Variants in UTRN observed in about 807,000 individuals in gnomAD.
UTRN encodes the protein utrophin, also known as dystrophin-related protein 1.
Under a neutral mutation model 463.9 loss-of-function variants are expected in UTRN, and 283 were observed. The observed-to-expected ratio is 0.61, with a 90% CI of 0.55 to 0.67. The LOEUF is 0.67. Ranked by LOEUF, UTRN falls within the 30% of genes least tolerant of loss-of-function variation. UTRN has a pLI of 0.00. For synonymous variants in UTRN, 1,442 were observed against 1,431.5 expected, an observed-to-expected ratio of 1.01 and a Z score of -0.17; for missense variants, 3,922 against 4,084.3, an observed-to-expected ratio of 0.96 and a Z score of 1.08.
chr6:144,626,010 T>G (rs1562668742), intron 51 of UTRN, among the ~76,000 whole-genome samples: 1 of 152,224 alleles, frequency 6.6e-6, no homozygotes, highest in Non-Finnish European at 1.5e-5. Context: ...CAGACAATAT[T>G]TCTATAGCTG....
At chr6:144,703,363 C>T (rs538791599) in intron 53 of UTRN, among the ~76,000 whole-genome samples, 17 of 152,160 alleles carry the variant, frequency 1.1e-4, no homozygotes, top group African/African-American at 3.1e-4. Context: ...GAAGAAAGAT[C>T]AGGATTAGAG....
intron 61 of UTRN, among the ~76,000 whole-genome samples, chr6:144,785,275 T>TA (rs1776204518): frequency 6.6e-6 from 1 of 152,194 alleles, no homozygotes; most frequent in South Asian, 2.1e-4. Flanking sequence ...TGGCATGTGA[T>TA]ACAGCCAGAA....
chr6:144,457,282 A>C (rs904801592), intron 19 of UTRN, among the ~76,000 whole-genome samples: 9 of 152,202 alleles, frequency 5.9e-5, no homozygotes, highest in African/African-American at 2.2e-4. Flanking sequence ...TTGTCAGTGA[A>C]AAAATAACTG....
intron 51 of UTRN, among the ~76,000 whole-genome samples, chr6:144,629,783 C>T (rs1776321308): frequency 6.6e-6 from 1 of 152,188 alleles, no homozygotes; most frequent in Non-Finnish European, 1.5e-5. Context: ...AATTCCATCT[C>T]CTTTGTAATT....
At chr6:144,796,094 G>T (rs1777188490) in intron 63 of UTRN, among the ~76,000 whole-genome samples, 1 of 152,112 alleles carries the variant, frequency 6.6e-6, no homozygotes, top group African/African-American at 2.4e-5. Context: ...TTTGTGTGAG[G>T]TGTAAGGAAG....
chr6:144,774,890 G>A (rs1291961443), intron 60 of UTRN, among the ~76,000 whole-genome samples: 1 of 152,166 alleles, frequency 6.6e-6, no homozygotes, highest in Admixed American at 6.5e-5. Context: ...GTTCAGAGTG[G>A]AATTCTGTGG....
chr6:144,616,876 G>T (rs1043525726), intron 51 of UTRN, among the ~76,000 whole-genome samples: 6 of 152,110 alleles, frequency 3.9e-5, no homozygotes, highest in African/African-American at 7.2e-5. Flanking sequence ...CAGCCAGCCC[G>T]CCATAGCGTT....
intron 33 of UTRN, among the ~76,000 whole-genome samples, chr6:144,494,199 A>C (rs1793353165): frequency 6.6e-6 from 1 of 152,116 alleles, no homozygotes; most frequent in Non-Finnish European, 1.5e-5. Flanking sequence ...TGAGTGTTAC[A>C]GCTCTTAAGG....
intron 1 of UTRN, 104 bp from the exon 2 acceptor site, chr6:144,291,633 G>A: frequency 2.4e-6 from 1 of 415,394 alleles, no homozygotes; most frequent in Non-Finnish European, 4.2e-6. Flanking sequence ...TTTACACGTG[G>A]TAGGCACTCA....
rs770411662 is a variant in UTRN at position 144,839,189 on chromosome 6, G to A, written c.10082G>A (p.Arg3361Gln). ...QLLEQPESDS[R>Q]INGVSPWASP... The stretch of plus-strand genomic sequence containing the variant: ...TGGTTCCAGCCTGAATCTGATTCCC[G>A]AATCAATGGTGTTTCCCCATGGGCT... Residue 3361 changes from arginine (R) to glutamine (Q), a missense_variant, in exon 72 of 75, where the codon CGA (arginine) becomes CAA (glutamine). Transcript: ENST00000367545. The A allele has an allele frequency of 6.8e-6, 11 of 1,613,826 alleles. No homozygotes were observed. The South Asian group carries it at 7.7e-5, about 11-fold the overall frequency.
intron 26 of UTRN, 50 bp from the exon 27 acceptor site, chr6:144,482,159 A>G: frequency 2.2e-6 from 3 of 1,353,924 alleles, no homozygotes; most frequent in African/African-American, 3.0e-5. Context: ...GAAATTGGTT[A>G]CTGAGAAAGG....
intron 65 of UTRN, among the ~76,000 whole-genome samples, chr6:144,814,821 C>T (rs1413040217): frequency 6.6e-6 from 1 of 152,156 alleles, no homozygotes; most frequent in Non-Finnish European, 1.5e-5. Flanking sequence ...GGTCTATCAT[C>T]TCTTGTGTCC....
chr6:144,485,008 G>A (rs1010732651), intron 27 of UTRN, among the ~76,000 whole-genome samples: 2 of 151,830 alleles, frequency 1.3e-5, no homozygotes, highest in Non-Finnish European at 2.9e-5. Context: ...TCCGCCTCCC[G>A]GGTTCACGCC....
At chr6:144,608,401 G>C (rs937435907) in intron 51 of UTRN, among the ~76,000 whole-genome samples, 1 of 152,198 alleles carries the variant, frequency 6.6e-6, no homozygotes, top group Non-Finnish European at 1.5e-5. Flanking sequence ...AGAAGTTATC[G>C]GGCCTCATTC....
intron 13 of UTRN, among the ~76,000 whole-genome samples, chr6:144,443,633 G>T (rs1562406966): frequency 6.6e-6 from 1 of 151,976 alleles, no homozygotes; most frequent in Non-Finnish European, 1.5e-5. Context: ...CATGAAGAGT[G>T]ATTTTTTATA....
intron 69 of UTRN, among the ~76,000 whole-genome samples, chr6:144,834,750 A>G (rs1780962482): frequency 1.3e-5 from 2 of 152,168 alleles, no homozygotes; most frequent in Admixed American, 6.5e-5. Context: ...ACTCCAGAGT[A>G]ACAGAAGAAG....
chr6:144,330,813 G>C (rs913801260), intron 2 of UTRN: 1 of 985,396 alleles, frequency 1.0e-6, no homozygotes, highest in Non-Finnish European at 1.2e-6. Context: ...ATCTATCCAC[G>C]GTTCCCATAC....
At chr6:144,646,075 T>C (rs1585758791) in intron 51 of UTRN, among the ~76,000 whole-genome samples, 1 of 152,192 alleles carries the variant, frequency 6.6e-6, no homozygotes, top group African/African-American at 2.4e-5. Context: ...TAACAAGGCC[T>C]AGGTCTACTC....
At chr6:144,563,054 C>T (rs1402202187) in intron 50 of UTRN, among the ~76,000 whole-genome samples, 1 of 152,040 alleles carries the variant, frequency 6.6e-6, no homozygotes, top group African/African-American at 2.4e-5. Flanking sequence ...AGCACAAATA[C>T]AGATTTATTC....
Sources: gnomAD v4.1 joint callset for allele counts (sites outside exome capture counted in the v4.1 genomes callset) on GRCh38, gnomAD v4.1.1 for gene constraint, MANE v1.5 for transcripts, NCBI Gene and HGNC (gene_info 2026-07-23, HGNC 2026-07-21) for gene names.